The following SMYD3 variants were observed in gnomAD, a reference collection of about 807,000 sequenced individuals.
SMYD3 encodes the protein SET and MYND domain containing 3, also known as histone-lysine N-methyltransferase SMYD3.
Under a neutral mutation model 57.7 loss-of-function variants are expected in SMYD3, and 36 were observed. The ratio of observed to expected loss-of-function variants is 0.62; its 90% CI spans 0.48 to 0.82. The LOEUF is 0.82. SMYD3 is among the 40% of genes least tolerant of loss of function. The pLI, the probability that SMYD3 is intolerant of heterozygous loss-of-function variation, is 0.00. For synonymous variants in SMYD3, 211 were observed against 195.0 expected (o/e 1.08, Z -0.68); for missense variants, 515 against 538.8 (o/e 0.96, Z 0.44).
chr1:245,949,526 A>C (rs12736658), intron 5 of SMYD3, among the ~76,000 whole-genome samples: 95,447 of 152,176 alleles, frequency 0.63, 35,186 homozygotes, highest in Non-Finnish European at 0.82. Context: ...GTACCCAACC[A>C]AGGCCGGATG....
intron 5 of SMYD3, chr1:246,035,404 G>C (rs2059755537): frequency 6.6e-6 from 1 of 152,220 alleles, no homozygotes; most frequent in African/African-American, 2.4e-5. Context: ...CCGAAAGGAA[G>C]GAGGGTCACA....
At chr1:245,893,156 T>G (rs2053502406) in intron 8 of SMYD3, among the ~76,000 whole-genome samples, 1 of 152,202 alleles carries the variant, frequency 6.6e-6, no homozygotes, top group Non-Finnish European at 1.5e-5. Context: ...CAATGCAATG[T>G]TACCACACTA....
chr1:246,091,464 T>G (rs1244469737), intron 5 of SMYD3, among the ~76,000 whole-genome samples: 4 of 150,912 alleles, frequency 2.7e-5, no homozygotes, highest in Non-Finnish European at 4.4e-5. Context: ...CTGGTTTTCT[T>G]TATTCTTCTG....
chr1:246,273,648 G>A (rs367795456), intron 5 of SMYD3, among the ~76,000 whole-genome samples: 3 of 133,598 alleles, frequency 2.2e-5, no homozygotes, highest in South Asian at 5.0e-4. Context: ...GCAGTGGCAC[G>A]ATCTCGGCTC....
chr1:246,133,111 A>G (rs1397679407), intron 5 of SMYD3, among the ~76,000 whole-genome samples: 1 of 152,086 alleles, frequency 6.6e-6, no homozygotes, highest in Non-Finnish European at 1.5e-5. Context: ...AATAATTACC[A>G]TATTATCCAG....
At position 245,877,069 on chromosome 1, in the gene SMYD3, G is replaced by A. The variant is rs2052527856; in HGVS notation, c.814-13183C>T. Among the ~76,000 whole-genome samples the A allele has an allele frequency of 2.6e-5, 4 of 152,214 alleles. No individual in the cohort carries two copies. In the South Asian group the frequency reaches 8.3e-4, roughly 32 times the overall value. On this transcript the variant is annotated intron_variant, in intron 8 of 11. Coordinates refer to ENST00000490107, the MANE Select transcript of SMYD3 (RefSeq NM_001167740.2). ...GACAAGCAGGAAGGCCAGTAGCAGAGAAGAGAAAGAGGTCCTTGGGGAGGC... is the reference window on the plus strand; with the variant it reads ...GACAAGCAGGAAGGCCAGTAGCAGAAAAGAGAAAGAGGTCCTTGGGGAGGC...
chr1:246,387,663 C>T (rs1339966), intron 1 of SMYD3, among the ~76,000 whole-genome samples: 81,568 of 152,020 alleles, frequency 0.54, 21,972 homozygotes, highest in Admixed American at 0.6. Flanking sequence ...GAAGTCTCCT[C>T]GGAGGAAGAA....
At chr1:246,370,001 CT>C (rs1312924429) in intron 1 of SMYD3, among the ~76,000 whole-genome samples, 1 of 152,190 alleles carries the variant, frequency 6.6e-6, no homozygotes, top group Non-Finnish European at 1.5e-5. Context: ...AAATCCAGCA[CT>C]TTGGGAAAAG....
Position 246,167,658 on chromosome 1 carries a change from AC to A in SMYD3, c.531+159542del, listed in dbSNP as rs539237369. Among the ~76,000 whole-genome samples, 247 of 151,782 alleles carry A rather than the reference AC, an allele frequency of 1.6e-3. 1 individual carries two copies. The highest frequency in any genetic ancestry group is 5.5e-3 in the African/African-American group (229 of 41,436). On this transcript the variant is annotated intron_variant, in intron 5 of 11. Transcript: ENST00000490107. ...CCCGAGTAGCTGGGATTATAGGCAC[AC>A]CCCACCAGGCCTGGCTAATTTTTGT... is the stretch of plus-strand genomic sequence containing the variant.
At chr1:246,299,828 G>A (rs546270841) in intron 5 of SMYD3, among the ~76,000 whole-genome samples, 28 of 151,724 alleles carry the variant, frequency 1.8e-4, no homozygotes, top group East Asian at 7.8e-4. Flanking sequence ...ACACTGGGGC[G>A]CACTTGAAGG....
At chr1:245,801,675 A>T (rs2047868638) in intron 10 of SMYD3, among the ~76,000 whole-genome samples, 1 of 152,074 alleles carries the variant, frequency 6.6e-6, no homozygotes, top group African/African-American at 2.4e-5. Context: ...GTGAACCAGT[A>T]AAGTTAGTTA....
intron 5 of SMYD3, among the ~76,000 whole-genome samples, chr1:246,204,660 C>T (rs2062970988): frequency 6.6e-6 from 1 of 152,158 alleles, no homozygotes; most frequent in Admixed American, 6.5e-5. Context: ...GCTTAAAATC[C>T]CCACTTTTCC....
intron 1 of SMYD3, among the ~76,000 whole-genome samples, chr1:246,385,749 T>C (rs1490038315): frequency 1.3e-5 from 2 of 149,728 alleles, no homozygotes; most frequent in East Asian, 4.0e-4. Flanking sequence ...ACAAATCACT[T>C]TTTTAAAACA....
chr1:246,027,533 T>C (rs1346221351), intron 5 of SMYD3, among the ~76,000 whole-genome samples: 3 of 152,198 alleles, frequency 2.0e-5, no homozygotes, highest in African/African-American at 7.2e-5. Flanking sequence ...GTACTGCCCA[T>C]GTTCTACCAA....
chr1:245,758,671 G>A (rs868050450), intron 11 of SMYD3, among the ~76,000 whole-genome samples: 2 of 151,572 alleles, frequency 1.3e-5, no homozygotes, highest in African/African-American at 2.4e-5. Flanking sequence ...TCTTCTTTAC[G>A]GCTTCTACTT....
chr1:246,415,633 A>G (rs1335757279), intron 1 of SMYD3, among the ~76,000 whole-genome samples: 1 of 152,188 alleles, frequency 6.6e-6, no homozygotes, highest in East Asian at 1.9e-4. Flanking sequence ...TGCTCAGCCC[A>G]GGCTAGACTC....
intron 5 of SMYD3, among the ~76,000 whole-genome samples, chr1:246,090,305 T>G (rs937833216): frequency 2.6e-5 from 4 of 151,992 alleles, no homozygotes; most frequent in African/African-American, 4.8e-5. Flanking sequence ...CCAGAAAAAT[T>G]AAGTCAAAAT....
intron 1 of SMYD3, among the ~76,000 whole-genome samples, chr1:246,385,014 T>TA (rs1234454607): frequency 1.3e-5 from 2 of 152,002 alleles, no homozygotes; most frequent in East Asian, 1.9e-4. Flanking sequence ...TTCATACATT[T>TA]AAAAAAAATG....
At chr1:245,878,263 G>A (rs562470286) in intron 8 of SMYD3, among the ~76,000 whole-genome samples, 2 of 152,300 alleles carry the variant, frequency 1.3e-5, no homozygotes, top group East Asian at 3.9e-4. Flanking sequence ...AGCTGAGCTG[G>A]AAAAAGAGTT....
Sources: gnomAD v4.1 joint callset for allele counts (sites outside exome capture counted in the v4.1 genomes callset) on GRCh38, gnomAD v4.1.1 for gene constraint, MANE v1.5 for transcripts, NCBI Gene and HGNC (gene_info 2026-07-23, HGNC 2026-07-21) for gene names.